The following CASD1 variants were observed in gnomAD, a reference collection of about 807,000 sequenced individuals.
CASD1 encodes CAS1 domain sialic acid O acetyltransferase 1, also known as N-acetylneuraminate (7)9-O-acetyltransferase.
In CASD1, 41 loss-of-function variants were observed where a neutral mutation model predicts 100.0. That is an observed-to-expected ratio of 0.41 (90% CI 0.32 to 0.53). CASD1 has a LOEUF of 0.53. Among genes scored for constraint, CASD1 ranks in the 20% least tolerant of loss-of-function variants. The pLI, the probability that CASD1 is intolerant of heterozygous loss-of-function variation, is 0.25. For synonymous variants in CASD1, 321 were observed against 315.6 expected (o/e 1.02, Z -0.18); for missense variants, 774 against 948.7 (o/e 0.82, Z 2.42).
chr7:94,588,080 A>T, the CASD1 span: 3 of 1,316,796 alleles, frequency 2.3e-6, no homozygotes, highest in African/African-American at 3.0e-5. Flanking sequence ...TAAGTTATCT[A>T]CTCAGTATAG....
At chr7:94,588,093 A>T in the CASD1 span, 1 of 1,218,024 alleles carries the variant, frequency 8.2e-7, no homozygotes, top group Non-Finnish European at 1.0e-6. Flanking sequence ...CAGTATAGAG[A>T]TGAATGAAAT....
the CASD1 span, among the ~76,000 whole-genome samples, chr7:94,582,215 TTA>T: frequency 1.3e-5 from 2 of 152,140 alleles, no homozygotes; most frequent in African/African-American, 4.8e-5. Flanking sequence ...TCTCCAGAGT[TTA>T]AGTGATTCTC....
rs145782792 is a variant in CASD1 at position 94,551,592 on chromosome 7, T to C, written c.1956+114T>C. 5.2e-3 allele frequency: 2,239 copies of C among 430,322 alleles called. 13 individuals are homozygous for C. Among genetic ancestry groups the C allele is most frequent in the Non-Finnish European group, 6.9e-3 (1,913 of 278,434 alleles). 26.7% of individuals were successfully genotyped at this position (430,322 alleles called of 1,614,324 possible). On this transcript the variant is annotated intron_variant, in intron 15 of 17. Coordinates refer to ENST00000297273, the MANE Select transcript of CASD1 (RefSeq NM_022900.5). Reference sequence around the variant, plus strand: ...ATCTTTTTTTCTCCTTATTTTTCTTTTTAATATTTAGAAATTTTAATACTT... The same window carrying C: ...ATCTTTTTTTCTCCTTATTTTTCTTCTTAATATTTAGAAATTTTAATACTT...
At chr7:94,511,530 C>G (rs530630813) in intron 1 of CASD1, among the ~76,000 whole-genome samples, 19 of 152,170 alleles carry the variant, frequency 1.2e-4, no homozygotes, top group Non-Finnish European at 2.8e-4. Context: ...CAGATCACAG[C>G]CATACGACCT....
At chr7:94,566,573 T>G in the CASD1 span, among the ~76,000 whole-genome samples, 2 of 152,200 alleles carry the variant, frequency 1.3e-5, no homozygotes, top group Admixed American at 6.5e-5. Flanking sequence ...CATAGTTGAA[T>G]GATTCCATAT....
the CASD1 span, chr7:94,598,982 A>C: frequency 6.3e-7 from 1 of 1,594,588 alleles, no homozygotes. Flanking sequence ...AAAAGAAATA[A>C]AACAACATAT....
chr7:94,612,613 T>A, the CASD1 span, among the ~76,000 whole-genome samples: 1 of 152,202 alleles, frequency 6.6e-6, no homozygotes, highest in Non-Finnish European at 1.5e-5. Flanking sequence ...ACAAAGACTA[T>A]CTCTGCATAT....
In CASD1 at chr7:94,556,444, T is replaced by G. The variant is rs150733636; in HGVS notation, c.*686T>G. On this transcript the variant is annotated 3_prime_UTR_variant, in exon 18 of 18. Coordinates refer to ENST00000297273, the MANE Select transcript of CASD1 (RefSeq NM_022900.5). ...TGTCATTGTTGATGTTATTGTTGCT[T>G]CGTTTTATAAAAAAGCCAAAATTTT... 31 of 152,156 alleles carry G rather than the reference T, an allele frequency of 2.0e-4. No individual in the cohort carries two copies. Among genetic ancestry groups the G allele is most frequent in the African/African-American group, 5.5e-4 (23 of 41,562 alleles). The allele number at this position is 152,156 out of a possible 1,614,324, so 9.4% of individuals were successfully genotyped here.
At chr7:94,602,702 C>T in the CASD1 span, among the ~76,000 whole-genome samples, 1 of 151,994 alleles carries the variant, frequency 6.6e-6, no homozygotes, top group Non-Finnish European at 1.5e-5. Context: ...TTACACATAT[C>T]TTACATATAT....
chr7:94,531,579 A>G (rs1260895937), intron 5 of CASD1, among the ~76,000 whole-genome samples: 1 of 152,156 alleles, frequency 6.6e-6, no homozygotes, highest in Non-Finnish European at 1.5e-5. Context: ...AAAATTTTGT[A>G]TCCACTGAAA....
intron 1 of CASD1, among the ~76,000 whole-genome samples, chr7:94,512,949 A>C (rs559866421): frequency 1.6e-4 from 25 of 152,362 alleles, no homozygotes; most frequent in Admixed American, 7.8e-4. Flanking sequence ...CTTATGTTAC[A>C]GTCTGTCTTT....
chr7:94,630,029 G>GA, the CASD1 span: 1 of 588,404 alleles, frequency 1.7e-6, no homozygotes, highest in Non-Finnish European at 2.9e-6. Context: ...GACAAAATGG[G>GA]AAAAAATTCT....
At position 94,537,474 on chromosome 7, in the gene CASD1, T is replaced by G. The variant is rs1465743952; in HGVS notation, c.846T>G (p.Thr282=). The change falls in exon 9 of 18, where the codon ACT becomes ACG. Residue 282 remains threonine, a splice_region_variant and synonymous_variant. Coordinates refer to ENST00000297273, the MANE Select transcript of CASD1 (RefSeq NM_022900.5). ...CAAATAACTTGATTTGTTCACAGACTGCAATGATTCTTATGAATGTGTATT... is the reference window on the plus strand; with the variant it reads ...CAAATAACTTGATTTGTTCACAGACGGCAATGATTCTTATGAATGTGTATT... ...LHLPESSRET[T]AMILMNVYCN... is the part of the protein sequence containing the mutation. The G allele has an allele frequency of 6.3e-7, 1 of 1,598,926 alleles. No individual in the cohort carries two copies. Among genetic ancestry groups the G allele is most frequent in the African/African-American group, 1.4e-5 (1 of 73,964 alleles).
chr7:94,577,599 C>T, the CASD1 span, among the ~76,000 whole-genome samples: 1 of 152,096 alleles, frequency 6.6e-6, no homozygotes, highest in Non-Finnish European at 1.5e-5. Flanking sequence ...AGCAGTCACA[C>T]AGCCCTACAC....
intron 13 of CASD1, among the ~76,000 whole-genome samples, chr7:94,547,422 T>A (rs1795732830): frequency 6.6e-6 from 1 of 151,890 alleles, no homozygotes; most frequent in African/African-American, 2.4e-5. Context: ...CCGTTTTACT[T>A]GACTTTGATC....
chr7:94,628,388 A>C, the CASD1 span: 1 of 1,560,194 alleles, frequency 6.4e-7, no homozygotes, highest in Non-Finnish European at 8.8e-7. Flanking sequence ...ATTAAGACAT[A>C]AGACAGTTAT....
chr7:94,519,112 A>C (rs527785827), intron 3 of CASD1, among the ~76,000 whole-genome samples: 1 of 152,184 alleles, frequency 6.6e-6, no homozygotes, highest in Non-Finnish European at 1.5e-5. Flanking sequence ...CAGCAGTGCA[A>C]TAAGTTTCTG....
chr7:94,517,495 T>G, intron 1 of CASD1, 65 bp from the exon 2 acceptor site: 1 of 991,560 alleles, frequency 1.0e-6, no homozygotes, highest in Non-Finnish European at 1.5e-6. Flanking sequence ...TTATATAGGG[T>G]CAAGATAGCC....
chr7:94,561,654 A>G (rs1796341780), downstream of CASD1, among the ~76,000 whole-genome samples: 1 of 152,056 alleles, frequency 6.6e-6, no homozygotes, highest in Non-Finnish European at 1.5e-5. Flanking sequence ...ATTCTCTCAG[A>G]AACTACTGAT....
Sources: gnomAD v4.1 joint callset for allele counts (sites outside exome capture counted in the v4.1 genomes callset) on GRCh38, gnomAD v4.1.1 for gene constraint, MANE v1.5 for transcripts, NCBI Gene and HGNC (gene_info 2026-07-23, HGNC 2026-07-21) for gene names.